ATP8A1: variants seen among roughly 807,000 people sequenced by gnomAD.
The protein encoded by ATP8A1 is phospholipid-transporting ATPase IA.
In ATP8A1, 90 loss-of-function variants were observed where a neutral mutation model predicts 177.7. The ratio of observed to expected loss-of-function variants is 0.51; its 90% CI spans 0.43 to 0.60. The LOEUF (loss-of-function observed/expected upper bound fraction) is 0.60, where lower values mean the gene tolerates loss of function less well. Ranked by LOEUF, ATP8A1 falls within the 20% of genes least tolerant of loss-of-function variation. ATP8A1 has a pLI of 0.00. For synonymous variants in ATP8A1, 493 were observed against 485.9 expected (o/e 1.01, Z -0.19); for missense variants, 1,072 against 1,392.8 (o/e 0.77, Z 3.67).
Position 42,641,389 on chromosome 4 carries a change from G to A in ATP8A1, c.50-14280C>T, listed in dbSNP as rs145187727. ...GGCTGTCTTAAAAGGGTGTGTGTGG[G>A]TGTGTTCCCTTCACTGTGAGGTATT... On this transcript the variant is annotated intron_variant, in intron 1 of 36. Coordinates refer to ENST00000381668, the MANE Select transcript of ATP8A1 (RefSeq NM_006095.2). Among the ~76,000 whole-genome samples, 488 of 152,224 alleles carry A rather than the reference G, an allele frequency of 3.2e-3. 3 individuals are homozygous for A. The highest frequency in any genetic ancestry group is 0.011 in the African/African-American group (467 of 41,536).
intron 5 of ATP8A1, among the ~76,000 whole-genome samples, chr4:42,604,638 A>G (rs77772042): frequency 0.02 from 3,021 of 152,318 alleles, 98 homozygotes; most frequent in African/African-American, 0.069. Context: ...CAAAAAGTTA[A>G]GCACAGTTAC....
intron 1 of ATP8A1, among the ~76,000 whole-genome samples, chr4:42,641,984 C>A (rs1404413466): frequency 4.0e-5 from 6 of 150,870 alleles, no homozygotes; most frequent in Non-Finnish European, 7.4e-5. Flanking sequence ...AAACAACTCA[C>A]CTTTGTTTTT....
intron 1 of ATP8A1, among the ~76,000 whole-genome samples, chr4:42,634,474 AAAC>A (rs1739072422): frequency 6.6e-6 from 1 of 152,196 alleles, no homozygotes; most frequent in African/African-American, 2.4e-5. Context: ...CTTTACAGCC[AAAC>A]AACCCTAATC....
intron 31 of ATP8A1, among the ~76,000 whole-genome samples, chr4:42,445,819 C>T (rs1256272589): frequency 6.6e-6 from 1 of 152,062 alleles, no homozygotes; most frequent in Non-Finnish European, 1.5e-5. Flanking sequence ...GTGGCTCATG[C>T]CTTTAATCCC....
chr4:42,653,743 T>C (rs905805700), intron 1 of ATP8A1, among the ~76,000 whole-genome samples: 1 of 152,202 alleles, frequency 6.6e-6, no homozygotes, highest in Admixed American at 6.5e-5. Flanking sequence ...TAAGAACCTG[T>C]TCAAATATTC....
chr4:42,621,925 T>G, intron 4 of ATP8A1, among the ~76,000 whole-genome samples: 1 of 152,042 alleles, frequency 6.6e-6, no homozygotes. Context: ...GAAATAAGAC[T>G]GCACACCTAC....
chr4:42,484,937 T>C (rs977858726), intron 25 of ATP8A1, among the ~76,000 whole-genome samples: 1 of 152,218 alleles, frequency 6.6e-6, no homozygotes, highest in South Asian at 2.1e-4. Flanking sequence ...GAAGATTCCT[T>C]GACAAGAAAC....
chr4:42,561,685 G>A (rs1159821418), intron 15 of ATP8A1: 1 of 152,242 alleles, frequency 6.6e-6, no homozygotes, highest in Admixed American at 6.5e-5. Flanking sequence ...CCTCTGTAGG[G>A]AGCACCACCA....
intron 33 of ATP8A1, among the ~76,000 whole-genome samples, chr4:42,442,409 G>T (rs1046055336): frequency 2.0e-5 from 3 of 152,052 alleles, no homozygotes; most frequent in African/African-American, 7.2e-5. Flanking sequence ...CTTTATTTCA[G>T]GAAAAGGACT....
chr4:42,604,086 G>T lies in ATP8A1; in HGVS notation c.410-3568C>A, dbSNP rs954568442. On this transcript the variant is annotated intron_variant, in intron 5 of 36. Coordinates refer to ENST00000381668, the MANE Select transcript of ATP8A1 (RefSeq NM_006095.2). ...CTGTAGTGAGCGCACCATGCTCTCTGCTGTCTCAAATCCTTTGCACATGTT... is the reference window on the plus strand; with the variant it reads ...CTGTAGTGAGCGCACCATGCTCTCTTCTGTCTCAAATCCTTTGCACATGTT... Among the ~76,000 whole-genome samples the T allele has an allele frequency of 3.3e-4, 50 of 152,096 alleles. 1 individual carries two copies. Among genetic ancestry groups the T allele is most frequent in the African/African-American group, 1.1e-3 (46 of 41,474 alleles).
chr4:42,485,635 T>C lies in ATP8A1; in HGVS notation c.2185A>G (p.Thr729Ala), dbSNP rs141340925. The change falls in exon 25 of 37, where the codon ACC becomes GCC. Residue 729 changes from threonine to alanine, a missense_variant. Thr to Ala is a moderately conservative substitution (Grantham distance 58, BLOSUM62 0). Transcript: ENST00000381668. ...TRETLSRHCTTLGDALRKEND... is the reference protein window; with the variant it reads ...TRETLSRHCTALGDALRKEND... Reference sequence around the variant, plus strand: ...TCTTTCCGGAGAGCATCACCAAGGGTAGTACAGTGACGACTGAGAGTTTCC... The same window carrying C: ...TCTTTCCGGAGAGCATCACCAAGGGCAGTACAGTGACGACTGAGAGTTTCC... 1.7e-4 allele frequency: 268 copies of C among 1,613,188 alleles called. 2 individuals carry two copies. In the Middle Eastern group the frequency reaches 1.8e-3, roughly 11 times the overall value.
At chr4:42,489,811 TG>T (rs1722562335) in intron 24 of ATP8A1, among the ~76,000 whole-genome samples, 2 of 151,670 alleles carry the variant, frequency 1.3e-5, no homozygotes, top group Non-Finnish European at 1.5e-5. Context: ...TATTAGCTGT[TG>T]TTTTGTTTTT....
intron 1 of ATP8A1, among the ~76,000 whole-genome samples, chr4:42,638,874 A>G (rs1463578995): frequency 6.6e-6 from 1 of 152,296 alleles, no homozygotes; most frequent in East Asian, 1.9e-4. Context: ...ACCTCTAAAA[A>G]TGCACAGGAA....
Position 42,635,756 on chromosome 4 carries a change from C to CACACAT in ATP8A1, c.50-8648_50-8647insATGTGT, listed in dbSNP as rs1468140112. Among the ~76,000 whole-genome samples the CACACAT allele has an allele frequency of 4.8e-4, 26 of 54,630 alleles. 2 individuals carry two copies. Among genetic ancestry groups the CACACAT allele is most frequent in the African/African-American group, 2.2e-3 (18 of 8,014 alleles). 35.8% of individuals were successfully genotyped at this position (54,630 alleles called of 152,430 possible). On this transcript the variant is annotated intron_variant, in intron 1 of 36. Coordinates refer to ENST00000381668, the MANE Select transcript of ATP8A1 (RefSeq NM_006095.2). ...ATACACACATATATACATATATATA[C>CACACAT]ACACACACACACACACACACACACA...
At chr4:42,460,082 C>T (rs1360258174) in intron 27 of ATP8A1, among the ~76,000 whole-genome samples, 18 of 152,144 alleles carry the variant, frequency 1.2e-4, no homozygotes, top group African/African-American at 3.6e-4. Context: ...TGAGCCACTG[C>T]GCCTGGCCTG....
At chr4:42,553,456 T>C (rs559808843) in intron 16 of ATP8A1, among the ~76,000 whole-genome samples, 1 of 152,342 alleles carries the variant, frequency 6.6e-6, no homozygotes, top group Admixed American at 6.5e-5. Flanking sequence ...TCCAGGGGAC[T>C]CTTACAGCCT....
Position 42,472,748 on chromosome 4 carries a change from A to AAG in ATP8A1, c.2325-7673_2325-7672insCT, listed in dbSNP as rs1491306669. 3.0e-4 allele frequency among the ~76,000 whole-genome samples: 9 copies of AAG among 30,412 alleles called. No homozygotes were observed. The Middle Eastern group carries it at 0.045, about 154-fold the overall frequency. 20.0% of individuals were successfully genotyped at this position (30,412 alleles called of 152,430 possible). On this transcript the variant is annotated intron_variant, in intron 25 of 36. Coordinates refer to ENST00000381668, the MANE Select transcript of ATP8A1 (RefSeq NM_006095.2). ...TCAGGTGACAGTGCGAGACTGTCTC[A>AAG]AAAAAAAAAAAAAAAAGAGAGAAAA...
chr4:42,639,241 T>C (rs1739693493), intron 1 of ATP8A1, among the ~76,000 whole-genome samples: 2 of 151,932 alleles, frequency 1.3e-5, no homozygotes, highest in Middle Eastern at 6.8e-3. Context: ...ACAGGAAAGG[T>C]TGAAAATAGA....
intron 25 of ATP8A1, among the ~76,000 whole-genome samples, chr4:42,477,052 C>T (rs1200402790): frequency 9.2e-5 from 14 of 152,174 alleles, no homozygotes; most frequent in African/African-American, 2.7e-4. Context: ...TGTATATTTA[C>T]TGATGTTATT....
Sources: gnomAD v4.1 joint callset for allele counts (sites outside exome capture counted in the v4.1 genomes callset) on GRCh38, gnomAD v4.1.1 for gene constraint, MANE v1.5 for transcripts, NCBI Gene and HGNC (gene_info 2026-07-23, HGNC 2026-07-21) for gene names.